Variants in CACNA1E observed in about 807,000 individuals in gnomAD.
CACNA1E encodes the protein voltage-dependent R-type calcium channel subunit alpha-1E.
Under a neutral mutation model 259.2 loss-of-function variants are expected in CACNA1E, and 40 were observed. The observed-to-expected ratio is 0.15, with a 90% CI of 0.12 to 0.20. The LOEUF (loss-of-function observed/expected upper bound fraction) is 0.20, where lower values mean the gene tolerates loss of function less well. CACNA1E is among the 10% of genes least tolerant of loss of function. The pLI is 1.00. For synonymous variants in CACNA1E, 1,104 were observed against 1,138.5 expected (o/e 0.97, Z 0.61); for missense variants, 1,874 against 3,040.1 (o/e 0.62, Z 9.02).
At chr1:181,351,036 G>T (rs1398206316) in intron 1 of CACNA1E, among the ~76,000 whole-genome samples, 3 of 152,168 alleles carry the variant, frequency 2.0e-5, no homozygotes, top group Non-Finnish European at 4.4e-5. Context: ...AACAGGAGGG[G>T]ACTCTTTTGG....
In CACNA1E at chr1:181,344,785, C is replaced by G. The variant is rs527238693; in HGVS notation, c.-15+26662C>G. Reference sequence around the variant, plus strand: ...TCTTGGCTGATAGCACTGAGGCCCCCGGGCTGGCCATCGGCCTGGGAACCT... The same window carrying G: ...TCTTGGCTGATAGCACTGAGGCCCCGGGGCTGGCCATCGGCCTGGGAACCT... On this transcript the variant is annotated intron_variant, in intron 1 of 11. Coordinates refer to the CACNA1E transcript ENST00000524607. Among the ~76,000 whole-genome samples, 5 of 152,316 alleles carry G rather than the reference C, an allele frequency of 3.3e-5. 1 individual carries two copies. The South Asian group carries it at 1.0e-3, about 32-fold the overall frequency.
chr1:181,632,286 G>A (rs1656821168), intron 6 of CACNA1E, among the ~76,000 whole-genome samples: 1 of 150,580 alleles, frequency 6.6e-6, no homozygotes. Flanking sequence ...TACATTTCCA[G>A]AGGAGCCAGT....
At chr1:181,432,601 C>T (rs1659795965) in intron 2 of CACNA1E, among the ~76,000 whole-genome samples, 1 of 152,232 alleles carries the variant, frequency 6.6e-6, no homozygotes, top group Non-Finnish European at 1.5e-5. Context: ...CCAAATATGT[C>T]ATTTAAATGC....
intron 3 of CACNA1E, among the ~76,000 whole-genome samples, chr1:181,530,891 T>C (rs1249218092): frequency 6.6e-6 from 1 of 152,172 alleles, no homozygotes; most frequent in Non-Finnish European, 1.5e-5. Flanking sequence ...ATAAGAATAG[T>C]CAGAAATTTT....
intron 1 of CACNA1E, among the ~76,000 whole-genome samples, chr1:181,498,380 G>A (rs1353747687): frequency 1.3e-5 from 2 of 152,216 alleles, no homozygotes; most frequent in Admixed American, 6.5e-5. Flanking sequence ...TGTTAGAGAA[G>A]CTGCTAGCGA....
chr1:181,495,256 A>T (rs564968327), intron 1 of CACNA1E, among the ~76,000 whole-genome samples: 1 of 151,408 alleles, frequency 6.6e-6, no homozygotes, highest in East Asian at 1.9e-4. Flanking sequence ...CAGTCTCTGC[A>T]TGGAAGCTTT....
Position 181,697,144 on chromosome 1 carries a change from T to C in CACNA1E, c.1056-13810T>C, listed in dbSNP as rs571105251. 4.0e-5 allele frequency among the ~76,000 whole-genome samples: 6 copies of C among 151,894 alleles called. No homozygotes were observed. The South Asian group carries it at 1.0e-3, about 26-fold the overall frequency. On this transcript the variant is annotated intron_variant, in intron 7 of 47. Coordinates refer to ENST00000367573, the MANE Select transcript of CACNA1E (RefSeq NM_001205293.3). ...AGAATACAGAAGGGGAAAAATAGGA[T>C]GAAAAAGAATAACAAAAGCAGGGGA... is the stretch of plus-strand genomic sequence containing the variant.
intron 1 of CACNA1E, among the ~76,000 whole-genome samples, chr1:181,323,030 C>T (rs967975649): frequency 8.5e-5 from 13 of 152,180 alleles, no homozygotes; most frequent in African/African-American, 3.1e-4. Context: ...AGGGCTGCAC[C>T]GATGGCCACA....
At chr1:181,507,549 CA>C (rs1460554367) in intron 1 of CACNA1E, among the ~76,000 whole-genome samples, 6 of 152,136 alleles carry the variant, frequency 3.9e-5, no homozygotes, top group African/African-American at 1.4e-4. Context: ...AGTGGAGAGT[CA>C]GGGGCAGTGG....
intron 3 of CACNA1E, among the ~76,000 whole-genome samples, chr1:181,560,811 T>G (rs1172916716): frequency 1.3e-5 from 2 of 152,186 alleles, no homozygotes; most frequent in East Asian, 3.9e-4. Flanking sequence ...TTATTCACAA[T>G]AACCAAAAGG....
chr1:181,753,194 C>T (rs911705795), intron 27 of CACNA1E, among the ~76,000 whole-genome samples: 13 of 152,354 alleles, frequency 8.5e-5, no homozygotes, highest in Admixed American at 2.6e-4. Context: ...TCCCTAACTT[C>T]AGCATCACAT....
At position 181,758,183 on chromosome 1, in the gene CACNA1E, C is replaced by A; in HGVS notation, c.4494+72C>A. 1 of 1,319,440 alleles carries A rather than the reference C, an allele frequency of 7.6e-7. No homozygotes were observed. The highest frequency in any genetic ancestry group is 1.1e-6 in the Non-Finnish European group (1 of 927,320). The allele number at this position is 1,319,440 out of a possible 1,614,324, so 81.7% of individuals were successfully genotyped here. On this transcript the variant is annotated intron_variant, in intron 31 of 47. Transcript: ENST00000367573. The surrounding 1 kb of genome is among the most constrained non-coding windows in gnomAD (Gnocchi z 4.2). The stretch of plus-strand genomic sequence containing the variant: ...CCCTCCCAGGGCAAGTGGGAAGACA[C>A]CCCAACATCCCAGCCCATCACTGCT...
chr1:181,454,458 T>C (rs368694266), intron 2 of CACNA1E, among the ~76,000 whole-genome samples: 1 of 152,198 alleles, frequency 6.6e-6, no homozygotes, highest in Non-Finnish European at 1.5e-5. Context: ...TTAGACAAGG[T>C]GAAATGAAGC....
chr1:181,631,595 G>A (rs886240339), intron 6 of CACNA1E, among the ~76,000 whole-genome samples: 6 of 152,150 alleles, frequency 3.9e-5, no homozygotes, highest in East Asian at 1.9e-4. Flanking sequence ...AGGAGAGGGC[G>A]TTGTTGCAGT....
intron 1 of CACNA1E, among the ~76,000 whole-genome samples, chr1:181,342,552 T>C (rs1279193388): frequency 2.0e-5 from 3 of 152,214 alleles, no homozygotes; most frequent in Non-Finnish European, 4.4e-5. Context: ...CTAAATATCA[T>C]GCTGAGGGAA....
At chr1:181,726,271 T>C (rs1466437645) in intron 18 of CACNA1E, 109 bp downstream of exon 18, 1 of 752,746 alleles carries the variant, frequency 1.3e-6, no homozygotes, top group African/African-American at 1.7e-5. Flanking sequence ...TGCTGGGAAC[T>C]GTTCCTGAGA....
At chr1:181,353,693 C>A (rs577090244) in intron 1 of CACNA1E, among the ~76,000 whole-genome samples, 1 of 152,206 alleles carries the variant, frequency 6.6e-6, no homozygotes. Flanking sequence ...TGTAAATAAA[C>A]CATTCTTCCC....
chr1:181,763,897 G>A (rs1658802123), intron 34 of CACNA1E, among the ~76,000 whole-genome samples: 2 of 152,342 alleles, frequency 1.3e-5, no homozygotes, highest in Middle Eastern at 3.4e-3. Context: ...GTAGTCAGAT[G>A]TCCTCTGCAT....
intron 2 of CACNA1E, among the ~76,000 whole-genome samples, chr1:181,450,183 A>G (rs1661061935): frequency 6.6e-6 from 1 of 152,314 alleles, no homozygotes; most frequent in South Asian, 2.1e-4. Context: ...AGAATTCACT[A>G]TCACAAGAAT....
Sources: allele counts gnomAD v4.1 joint callset (sites outside exome capture counted in the v4.1 genomes callset), GRCh38; gene constraint gnomAD v4.1.1; non-coding constraint Gnocchi (gnomAD v3.1); transcripts MANE v1.5; gene names NCBI Gene and HGNC (gene_info 2026-07-23, HGNC 2026-07-21).